Variants in PGR observed in about 807,000 individuals in gnomAD.
PGR encodes the protein nuclear receptor subfamily 3 group C member 3.
PGR carries 25 observed loss-of-function variants against 76.1 expected under a neutral mutation model. The observed-to-expected ratio is 0.33, with a 90% CI of 0.24 to 0.46. The LOEUF (loss-of-function observed/expected upper bound fraction) is 0.46, where lower values mean the gene tolerates loss of function less well. Ranked by LOEUF, PGR falls within the 20% of genes least tolerant of loss-of-function variation. The pLI, the probability that PGR is intolerant of heterozygous loss-of-function variation, is 1.00. For synonymous variants in PGR, 579 were observed against 535.0 expected (o/e 1.08, Z -1.14); for missense variants, 1,172 against 1,225.3 (o/e 0.96, Z 0.65).
chr11:101,040,364 A>G (rs1264004600), intron 7 of PGR, among the ~76,000 whole-genome samples: 2 of 151,968 alleles, frequency 1.3e-5, no homozygotes, highest in Non-Finnish European at 2.9e-5. Flanking sequence ...ATCACTTTGC[A>G]TCTCTGTTGG....
At chr11:101,072,200 A>T (rs1190450522) in intron 3 of PGR, among the ~76,000 whole-genome samples, 1 of 152,208 alleles carries the variant, frequency 6.6e-6, no homozygotes, top group Non-Finnish European at 1.5e-5. Context: ...AGAATTTTCA[A>T]CCCAGAATTT....
At chr11:101,103,771 A>T (rs1862065973) in intron 2 of PGR, among the ~76,000 whole-genome samples, 1 of 152,206 alleles carries the variant, frequency 6.6e-6, no homozygotes, top group Admixed American at 6.5e-5. Flanking sequence ...ATTTTAAAAA[A>T]TTACCAATAT....
chr11:101,082,847 C>T (rs1296172848), intron 3 of PGR, among the ~76,000 whole-genome samples: 2 of 152,082 alleles, frequency 1.3e-5, no homozygotes, highest in Non-Finnish European at 1.5e-5. Flanking sequence ...TGTAGCCTGG[C>T]CATGTGGTAG....
chr11:101,030,710 A>G lies in PGR; in HGVS notation c.*8406T>C, dbSNP rs1268059463. The G allele has an allele frequency of 4.8e-6, 1 of 207,790 alleles. No homozygotes were observed. Among genetic ancestry groups the G allele is most frequent in the Admixed American group, 5.9e-5 (1 of 16,828 alleles). The allele number at this position is 207,790 out of a possible 1,614,324, so 12.9% of individuals were successfully genotyped here. The stretch of plus-strand genomic sequence containing the variant: ...GGTCTTTGAAATCCACAGAAAGGCA[A>G]GTCTGGAGATTAGGGCTTTCTCAAG... On this transcript the variant is annotated 3_prime_UTR_variant, in exon 8 of 8. Coordinates refer to ENST00000325455, the MANE Select transcript of PGR (RefSeq NM_000926.4).
rs192756305 is a variant in PGR at position 101,095,319 on chromosome 11, C to T, written c.1790-3443G>A. ...AATTGCTGACACTACATTGTAGTAC[C>T]GAAGAGCAAAGTTACAGAGGCCAGA... is the stretch of plus-strand genomic sequence containing the variant. On this transcript the variant is annotated intron_variant, in intron 2 of 7. Transcript: ENST00000325455. 2.6e-3 allele frequency among the ~76,000 whole-genome samples: 394 copies of T among 152,226 alleles called. 2 individuals carry two copies. The highest frequency in any genetic ancestry group is 8.4e-3 in the African/African-American group (349 of 41,538).
chr11:101,108,248 T>TAAAAA (rs550121348), intron 2 of PGR, among the ~76,000 whole-genome samples: 1 of 115,418 alleles, frequency 8.7e-6, no homozygotes, highest in Non-Finnish European at 1.8e-5. Context: ...AGACTCCGTC[T>TAAAAA]AAAAAAAAAA....
chr11:101,031,919 A>C lies in PGR; in HGVS notation c.*7197T>G, dbSNP rs926696503. ...CAGTTCCTCTTTCTCATTTTCTGAA[A>C]CTTGAACTGCTCTAGTCTTACCCGT... On this transcript the variant is annotated 3_prime_UTR_variant, in exon 8 of 8. Transcript: ENST00000325455. 3 of 231,054 alleles carry C rather than the reference A, an allele frequency of 1.3e-5. No homozygotes were observed. The highest frequency in any genetic ancestry group is 1.1e-4 in the Admixed American group (2 of 17,682). 14.3% of individuals were successfully genotyped at this position (231,054 alleles called of 1,614,324 possible). A position where few individuals can be genotyped will look rare whatever the true frequency, so the allele number is the denominator to read the frequency against.
chr11:101,041,636 A>G (rs572979518), intron 7 of PGR: 1 of 300,456 alleles, frequency 3.3e-6, no homozygotes, highest in East Asian at 7.7e-5. Flanking sequence ...TTTTTACTGT[A>G]TATATAAAAT....
Position 101,062,435 on chromosome 11 carries a change from A to G in PGR, c.2212+12T>C. 6.2e-7 allele frequency: 1 copy of G among 1,600,656 alleles called. No individual in the cohort carries two copies. Among genetic ancestry groups the G allele is most frequent in the East Asian group, 2.2e-5 (1 of 44,776 alleles). The stretch of plus-strand genomic sequence containing the variant: ...TTTTTTATTACATGCTGTATATAAA[A>G]ATTATTATTACCTGGCAATGATTTA... On this transcript the variant is annotated intron_variant, in intron 4 of 7. Transcript: ENST00000325455.
At chr11:101,046,551 A>C (rs1429816664) in intron 6 of PGR, among the ~76,000 whole-genome samples, 1 of 151,848 alleles carries the variant, frequency 6.6e-6, no homozygotes, top group African/African-American at 2.4e-5. Context: ...TGAGAGGTTT[A>C]AGTTCATAAC....
intron 3 of PGR, among the ~76,000 whole-genome samples, chr11:101,076,045 A>G (rs1861118094): frequency 6.6e-6 from 1 of 152,216 alleles, no homozygotes; most frequent in Non-Finnish European, 1.5e-5. Context: ...ACTATTCACA[A>G]TAGTAAAGAT....
At chr11:101,052,475 C>G (rs11571231) in intron 4 of PGR, among the ~76,000 whole-genome samples, 1 of 152,002 alleles carries the variant, frequency 6.6e-6, no homozygotes, top group Non-Finnish European at 1.5e-5. Context: ...GGGAAGATCA[C>G]CAGTTCAACA....
intron 2 of PGR, among the ~76,000 whole-genome samples, chr11:101,123,944 G>A (rs481775): frequency 0.24 from 37,133 of 152,124 alleles, 5,650 homozygotes; most frequent in Non-Finnish European, 0.34. Flanking sequence ...TACTTTACAA[G>A]TATCAGCTCA....
At chr11:101,087,268 A>T (rs1658238614) in intron 3 of PGR, among the ~76,000 whole-genome samples, 1 of 152,170 alleles carries the variant, frequency 6.6e-6, no homozygotes. Flanking sequence ...AGAACCCAGA[A>T]ATAAAGGTGC....
intron 3 of PGR, among the ~76,000 whole-genome samples, chr11:101,065,464 T>C (rs931733813): frequency 3.3e-5 from 5 of 152,220 alleles, no homozygotes; most frequent in Admixed American, 3.3e-4. Context: ...CAAATAAATC[T>C]GTAGAACTTC....
chr11:101,052,177 G>A (rs991604353), intron 4 of PGR, among the ~76,000 whole-genome samples: 6 of 151,872 alleles, frequency 4.0e-5, no homozygotes, highest in East Asian at 1.9e-4. Context: ...TAACTATGTC[G>A]GGTAGATTCC....
chr11:101,088,940 C>A (rs1210852594), intron 3 of PGR, among the ~76,000 whole-genome samples: 1 of 152,116 alleles, frequency 6.6e-6, no homozygotes, highest in African/African-American at 2.4e-5. Flanking sequence ...GAACAAAAAA[C>A]CAAATACTGC....
At chr11:101,091,619 A>G in intron 3 of PGR, 141 bp downstream of exon 3, 1 of 672,418 alleles carries the variant, frequency 1.5e-6, no homozygotes, top group Non-Finnish European at 2.7e-6. Context: ...TCATTCAGAC[A>G]CTCACATGTG....
At chr11:101,108,084 T>A (rs1591421808) in intron 2 of PGR, among the ~76,000 whole-genome samples, 1 of 151,344 alleles carries the variant, frequency 6.6e-6, no homozygotes, top group East Asian at 1.9e-4. Context: ...TGAAACCCTG[T>A]CTCTACTAAA....
Sources: allele counts gnomAD v4.1 joint callset (sites outside exome capture counted in the v4.1 genomes callset), GRCh38; gene constraint gnomAD v4.1.1; transcripts MANE v1.5; gene names NCBI Gene and HGNC (gene_info 2026-07-23, HGNC 2026-07-21).